ZDHHC15: variants seen among roughly 807,000 people sequenced by gnomAD.
ZDHHC15 encodes the protein palmitoyltransferase ZDHHC15.
ZDHHC15 carries 19 observed loss-of-function variants against 31.7 expected under a neutral mutation model. That is an observed-to-expected ratio of 0.60 (90% CI 0.42 to 0.88). The LOEUF is 0.88. Ranked by LOEUF, ZDHHC15 falls within the 40% of genes least tolerant of loss-of-function variation. The probability of loss-of-function intolerance (pLI) is 0.00; values close to 1 mark genes in which losing one functional copy is unlikely to be tolerated. For synonymous variants in ZDHHC15, 103 were observed against 90.0 expected (o/e 1.14, Z -0.82); for missense variants, 209 against 251.2 (o/e 0.83, Z 1.14).
intron 2 of ZDHHC15, among the ~76,000 whole-genome samples, chrX:75,502,993 T>C (rs1185500048): frequency 9.0e-6 from 1 of 110,732 alleles, no homozygotes; most frequent in Non-Finnish European, 1.9e-5. Flanking sequence ...ATGGTATAAC[T>C]GGAATATTTA....
Position 75,380,683 on chromosome X carries a change from G to C in ZDHHC15, c.968-1485C>G, listed in dbSNP as rs146829781. 1.7e-4 allele frequency among the ~76,000 whole-genome samples: 19 copies of C among 110,952 alleles called. 1 individual carries two copies. The highest frequency in any genetic ancestry group is 3.4e-4 in the Non-Finnish European group (18 of 52,906). The stretch of plus-strand genomic sequence containing the variant: ...GATACCTAAAAAAAATCAGGCTCTG[G>C]GTAATAGAAGACAAACACAGAATTT... On this transcript the variant is annotated intron_variant, in intron 10 of 11. Coordinates refer to ENST00000373367, the MANE Select transcript of ZDHHC15 (RefSeq NM_144969.3).
At chrX:75,399,487 C>G (rs772809610) in intron 10 of ZDHHC15, among the ~76,000 whole-genome samples, 1 of 112,104 alleles carries the variant, frequency 8.9e-6, no homozygotes, top group Non-Finnish European at 1.9e-5. Flanking sequence ...TGGGCATAAA[C>G]CCTTCACCTT....
At chrX:75,399,753 C>T (rs1171610600) in intron 10 of ZDHHC15, among the ~76,000 whole-genome samples, 2 of 111,115 alleles carry the variant, frequency 1.8e-5, no homozygotes, top group African/African-American at 6.6e-5. Flanking sequence ...AATATGGCTG[C>T]AACTGTGAGA....
Position 75,489,175 on chromosome X carries a change from G to C in ZDHHC15, c.164-10190C>G, listed in dbSNP as rs183730522. On this transcript the variant is annotated intron_variant, in intron 2 of 11. Coordinates refer to ENST00000373367, the MANE Select transcript of ZDHHC15 (RefSeq NM_144969.3). ...ACTCCACCTCTGGGGGCAGGGCACAGACAAACAAAAGGCAGCAGAATCCTC... is the reference window on the plus strand; with the variant it reads ...ACTCCACCTCTGGGGGCAGGGCACACACAAACAAAAGGCAGCAGAATCCTC... 8.0e-3 allele frequency among the ~76,000 whole-genome samples: 899 copies of C among 112,088 alleles called. 11 individuals carry two copies. Among genetic ancestry groups the C allele is most frequent in the African/African-American group, 0.027 (828 of 30,857 alleles).
chrX:75,413,846 A>G, intron 10 of ZDHHC15, among the ~76,000 whole-genome samples: 1 of 109,438 alleles, frequency 9.1e-6, no homozygotes, highest in Middle Eastern at 4.7e-3. Flanking sequence ...GAAGTTCTTT[A>G]TGGGCTTCAC....
chrX:75,391,813 A>G (rs780555258), intron 10 of ZDHHC15, among the ~76,000 whole-genome samples: 1 of 112,187 alleles, frequency 8.9e-6, no homozygotes, highest in East Asian at 2.8e-4. Context: ...AACACAGAAT[A>G]TTGTAACACT....
chrX:75,400,803 C>A (rs1008152761), intron 10 of ZDHHC15, among the ~76,000 whole-genome samples: 28 of 111,578 alleles, frequency 2.5e-4, no homozygotes, highest in Non-Finnish European at 3.6e-4. Context: ...ACCCTATGAG[C>A]CAGAAAAGAC....
intron 11 of ZDHHC15, among the ~76,000 whole-genome samples, chrX:75,374,272 C>G (rs988055446): frequency 3.7e-5 from 4 of 109,418 alleles, no homozygotes; most frequent in Admixed American, 9.8e-5. Context: ...AGGAGAAATA[C>G]CTAATGTAGA....
intron 4 of ZDHHC15, among the ~76,000 whole-genome samples, chrX:75,449,914 T>C (rs1012619913): frequency 2.7e-5 from 3 of 111,914 alleles, no homozygotes; most frequent in African/African-American, 9.7e-5. Context: ...GTCATGCAGA[T>C]GAAACCTAAG....
intron 11 of ZDHHC15, among the ~76,000 whole-genome samples, chrX:75,373,565 A>G (rs1162123791): frequency 9.0e-6 from 1 of 111,726 alleles, no homozygotes; most frequent in Non-Finnish European, 1.9e-5. Context: ...CCAGGATTCT[A>G]TCCTATGGAA....
chrX:75,490,749 A>G (rs1330969967), intron 2 of ZDHHC15, among the ~76,000 whole-genome samples: 4 of 111,478 alleles, frequency 3.6e-5, no homozygotes, highest in African/African-American at 1.3e-4. Context: ...TTCTCTTTGA[A>G]GCAATTGTGA....
At chrX:75,490,565 T>C (rs148341017) in intron 2 of ZDHHC15, among the ~76,000 whole-genome samples, 2,429 of 111,881 alleles carry the variant, frequency 0.022, 55 homozygotes, top group African/African-American at 0.075. Flanking sequence ...GCATTGAATC[T>C]ATAAATTACC....
intron 2 of ZDHHC15, among the ~76,000 whole-genome samples, chrX:75,496,439 C>A (rs768280828): frequency 1.8e-5 from 2 of 111,336 alleles, no homozygotes; most frequent in Admixed American, 9.6e-5. Flanking sequence ...CAGCACTAGA[C>A]TGGTCATCAA....
chrX:75,491,732 A>G (rs1428743045), intron 2 of ZDHHC15, among the ~76,000 whole-genome samples: 1 of 111,356 alleles, frequency 9.0e-6, no homozygotes, highest in East Asian at 2.8e-4. Flanking sequence ...TTTACAGACA[A>G]GCAAATGCTG....
At chrX:75,506,175 C>T (rs1347257748) in intron 1 of ZDHHC15, among the ~76,000 whole-genome samples, 1 of 111,604 alleles carries the variant, frequency 9.0e-6, no homozygotes, top group African/African-American at 3.2e-5. Context: ...CAATAAAAGG[C>T]CTATGTAAAC....
intron 4 of ZDHHC15, among the ~76,000 whole-genome samples, chrX:75,437,107 G>A (rs961439213): frequency 1.0e-4 from 11 of 110,018 alleles, no homozygotes; most frequent in South Asian, 3.9e-4. Context: ...GGTCTTGATC[G>A]CCTTACCTCG....
At chrX:75,397,745 C>A (rs1461275572) in intron 10 of ZDHHC15, among the ~76,000 whole-genome samples, 2 of 111,266 alleles carry the variant, frequency 1.8e-5, no homozygotes, top group Non-Finnish European at 3.8e-5. Context: ...CAACTTGACC[C>A]ACAGAGAACA....
chrX:75,402,855 A>T (rs762737647), intron 10 of ZDHHC15, among the ~76,000 whole-genome samples: 1 of 110,748 alleles, frequency 9.0e-6, no homozygotes, highest in South Asian at 4.0e-4. Context: ...AATGAGGAGG[A>T]AGGACTCCTC....
At chrX:75,458,402 T>C (rs2084258577) in intron 3 of ZDHHC15, among the ~76,000 whole-genome samples, 1 of 111,680 alleles carries the variant, frequency 9.0e-6, no homozygotes, top group Admixed American at 9.6e-5. Context: ...GTATAATATA[T>C]GGGGAAACAT....
Sources: allele counts gnomAD v4.1 joint callset (sites outside exome capture counted in the v4.1 genomes callset), GRCh38; gene constraint gnomAD v4.1.1; transcripts MANE v1.5; gene names NCBI Gene and HGNC (gene_info 2026-07-23, HGNC 2026-07-21).